The following TFIP11 variants were observed in gnomAD, a reference collection of about 807,000 sequenced individuals.
TFIP11 encodes the protein tuftelin-interacting protein 11.
In TFIP11, 86 loss-of-function variants were observed where a neutral mutation model predicts 96.8. The observed-to-expected ratio is 0.89, with a 90% confidence interval of 0.75 to 1.06. TFIP11 has a LOEUF of 1.06. Ranked by LOEUF, TFIP11 falls within the 50% of genes least tolerant of loss-of-function variation. The pLI, the probability that TFIP11 is intolerant of heterozygous loss-of-function variation, is 0.00. For missense variants in TFIP11, 881 were observed against 1,076.7 expected, an observed-to-expected ratio of 0.82 and a Z score of 2.54; for synonymous variants, 405 against 395.2, an observed-to-expected ratio of 1.02 and a Z score of -0.29.
At position 26,503,759 on chromosome 22, in the gene TFIP11, C is replaced by CT. The variant is rs1923079592; in HGVS notation, c.554dup (p.Gly188ArgfsTer22). The CT allele has an allele frequency of 6.2e-7, 1 of 1,613,746 alleles. No individual in the cohort carries two copies. Among genetic ancestry groups the CT allele is most frequent in the Non-Finnish European group, 8.5e-7 (1 of 1,179,998 alleles). ...CATAAGCCCCCACAGCACCTTTTCC[C>CT]TTTCTCTGCTTGGCTTCAATTGGGT... On this transcript the variant is annotated frameshift_variant, in exon 7 of 15. Transcript: ENST00000407690. LOFTEE classifies it high-confidence loss of function.
intron 10 of TFIP11, among the ~76,000 whole-genome samples, chr22:26,497,482 T>C (rs1483706960): frequency 6.6e-6 from 1 of 152,202 alleles, no homozygotes; most frequent in Admixed American, 6.5e-5. Flanking sequence ...CCAAATGTAA[T>C]TGTACAACCA....
At chr22:26,498,632 A>G (rs1350293467) in intron 10 of TFIP11, 1 of 457,184 alleles carries the variant, frequency 2.2e-6, no homozygotes, top group Non-Finnish European at 3.9e-6. Context: ...TCACCACTAA[A>G]GAACTTACTC....
In TFIP11 at chr22:26,494,905, G is replaced by A; in HGVS notation, c.1884C>T (p.His628=). 1 of 1,614,230 alleles carries A rather than the reference G, an allele frequency of 6.2e-7. No individual in the cohort carries two copies. Among genetic ancestry groups the A allele is most frequent in the Middle Eastern group, 1.6e-4 (1 of 6,062 alleles). ...AATAGAATGCATCCATGTGCTGCTGGTGGGGGTTAATGACTAGCTCACCAA... is the reference window on the plus strand; with the variant it reads ...AATAGAATGCATCCATGTGCTGCTGATGGGGGTTAATGACTAGCTCACCAA... ...MCLGELVINP[H]QQHMDAFYWV... is the part of the protein sequence containing the mutation. The change falls in exon 13 of 15, where the codon CAC becomes CAT. Residue 628 remains histidine (H), a synonymous_variant. Coordinates refer to ENST00000407690, the MANE Select transcript of TFIP11 (RefSeq NM_012143.4).
chr22:26,508,653 T>G (rs1923699086), intron 4 of TFIP11, among the ~76,000 whole-genome samples: 1 of 152,066 alleles, frequency 6.6e-6, no homozygotes, highest in Non-Finnish European at 1.5e-5. Context: ...CAAGAGATCC[T>G]GGCCAACATG....
At position 26,496,854 on chromosome 22, in the gene TFIP11, T is replaced by C; in HGVS notation, c.1472A>G (p.Asn491Ser). The C allele has an allele frequency of 6.2e-7, 1 of 1,614,122 alleles. No homozygotes were observed. Among genetic ancestry groups the C allele is most frequent in the Non-Finnish European group, 8.5e-7 (1 of 1,180,034 alleles). Residue 491 changes from asparagine to serine, a missense_variant, in exon 11 of 15, where the codon AAT (asparagine) becomes AGT (serine). By Grantham distance (46) the Asn-to-Ser change is conservative. Coordinates refer to ENST00000407690, the MANE Select transcript of TFIP11 (RefSeq NM_012143.4). The part of the protein sequence containing the change: ...IWEVWMPFVR[N>S]IVTQWQPRNC... The stretch of plus-strand genomic sequence containing the variant: ...CCTTGGCTGCCACTGGGTGACAATA[T>C]TTCGAACAAAAGGCATCCAGACTTC...
chr22:26,506,481 G>A (rs761322792), intron 5 of TFIP11, 22 bp from the exon 6 acceptor site: 1 of 1,583,320 alleles, frequency 6.3e-7, no homozygotes, highest in Non-Finnish European at 8.5e-7. Context: ...AAAAATCAAA[G>A]CTTAGTTAAT....
In TFIP11 at chr22:26,494,882, T is replaced by C. The variant is rs756763345; in HGVS notation, c.1907A>G (p.Tyr636Cys). 3 of 1,613,956 alleles carry C rather than the reference T, an allele frequency of 1.9e-6. No homozygotes were observed. The highest frequency in any genetic ancestry group is 2.5e-6 in the Non-Finnish European group (3 of 1,180,030). Residue 636 changes from tyrosine (Y) to cysteine (C), a missense_variant, in exon 13 of 15, where the codon TAT becomes TGT. Transcript: ENST00000407690. The part of the protein sequence containing the change: ...NPHQQHMDAF[Y>C]WVIDWEGMIS... The stretch of plus-strand genomic sequence containing the variant: ...CATCCCTTCCCAGTCAATCACCCAA[T>C]AGAATGCATCCATGTGCTGCTGGTG...
At chr22:26,502,253 A>G (rs1922892412) in intron 7 of TFIP11, among the ~76,000 whole-genome samples, 2 of 152,194 alleles carry the variant, frequency 1.3e-5, no homozygotes, top group South Asian at 4.1e-4. Flanking sequence ...CCTCTTACAA[A>G]TAATGAGGTT....
chr22:26,504,912 C>T (rs1923219860), intron 6 of TFIP11, among the ~76,000 whole-genome samples: 1 of 152,054 alleles, frequency 6.6e-6, no homozygotes, highest in Non-Finnish European at 1.5e-5. Flanking sequence ...CCTGTCTCTA[C>T]CAAAAATACA....
intron 8 of TFIP11, 85 bp downstream of exon 8, chr22:26,501,813 GCT>G: frequency 3.0e-6 from 2 of 673,628 alleles, no homozygotes; most frequent in Non-Finnish European, 2.2e-6. Context: ...AAAAAGCCTA[GCT>G]AAAAGATCCA....
At chr22:26,500,869 A>G (rs1301167907) in intron 8 of TFIP11, among the ~76,000 whole-genome samples, 2 of 150,310 alleles carry the variant, frequency 1.3e-5, no homozygotes, top group African/African-American at 4.9e-5. Flanking sequence ...TTGGAAAAGT[A>G]ACGGAAAACT....
intron 4 of TFIP11, 110 bp from the exon 5 acceptor site, chr22:26,507,038 G>A: frequency 7.6e-7 from 1 of 1,316,686 alleles, no homozygotes; most frequent in Non-Finnish European, 1.0e-6. Context: ...GAATCTCATG[G>A]GAGGTTTTTT....
chr22:26,505,648 T>C lies in TFIP11; in HGVS notation c.520+655A>G, dbSNP rs548072328. 1.9e-3 allele frequency among the ~76,000 whole-genome samples: 296 copies of C among 152,284 alleles called. 2 individuals are homozygous for C. The highest frequency in any genetic ancestry group is 6.7e-3 in the African/African-American group (277 of 41,570). ...AAATCTAGAATTTTAGGTGAAATTGTCTGTTTTTTAAATATTAGCAACTAA... is the reference window on the plus strand; with the variant it reads ...AAATCTAGAATTTTAGGTGAAATTGCCTGTTTTTTAAATATTAGCAACTAA... On this transcript the variant is annotated intron_variant, in intron 6 of 14. Coordinates refer to ENST00000407690, the MANE Select transcript of TFIP11 (RefSeq NM_012143.4).
At position 26,495,260 on chromosome 22, in the gene TFIP11, C is replaced by CT. The variant is rs150268332; in HGVS notation, c.1850-322dup. Among the ~76,000 whole-genome samples the CT allele has an allele frequency of 3.0e-3, 175 of 59,168 alleles. 21 individuals are homozygous for CT. The highest frequency in any genetic ancestry group is 5.0e-3 in the African/African-American group (67 of 13,512). 38.8% of individuals were successfully genotyped at this position (59,168 alleles called of 152,430 possible). On this transcript the variant is annotated intron_variant, in intron 12 of 14. Transcript: ENST00000407690. ...TACAGGCATAAGTCACAACTCCTGGCTTTTTTTTTTTTTTTTTTTTTTTTT... is the reference window on the plus strand; with the variant it reads ...TACAGGCATAAGTCACAACTCCTGGCTTTTTTTTTTTTTTTTTTTTTTTTTT...
chr22:26,503,912 A>G, intron 6 of TFIP11, 119 bp from the exon 7 acceptor site: 2 of 1,319,424 alleles, frequency 1.5e-6, no homozygotes, highest in Non-Finnish European at 2.1e-6. Context: ...CATGCTACTC[A>G]GGAAGGAGAG....
intron 12 of TFIP11, among the ~76,000 whole-genome samples, chr22:26,495,723 T>C (rs1921927388): frequency 1.3e-5 from 2 of 151,788 alleles, no homozygotes; most frequent in South Asian, 4.2e-4. Context: ...TTTTTTTTGC[T>C]AACCTGGAAA....
intron 12 of TFIP11, among the ~76,000 whole-genome samples, chr22:26,495,606 A>ATATG (rs1921878866): frequency 1.8e-5 from 2 of 109,894 alleles, no homozygotes; most frequent in Non-Finnish European, 2.0e-5. Flanking sequence ...ATACATATAT[A>ATATG]TGTGTGTATA....
At chr22:26,508,581 T>G (rs1266461212) in intron 4 of TFIP11, among the ~76,000 whole-genome samples, 2 of 152,046 alleles carry the variant, frequency 1.3e-5, no homozygotes, top group African/African-American at 4.8e-5. Context: ...CTCAGCTGGG[T>G]GTGGTGGCTC....
intron 11 of TFIP11, 36 bp from the exon 12 acceptor site, chr22:26,496,352 T>C (rs1255853021): frequency 6.4e-7 from 1 of 1,559,302 alleles, no homozygotes; most frequent in Non-Finnish European, 8.7e-7. Flanking sequence ...TCATGTCGCC[T>C]GTGGGGCAGT....
Sources: allele counts gnomAD v4.1 joint callset (sites outside exome capture counted in the v4.1 genomes callset), GRCh38; gene constraint gnomAD v4.1.1; transcripts MANE v1.5; gene names NCBI Gene and HGNC (gene_info 2026-07-23, HGNC 2026-07-21).